The following ARHGAP42 variants were observed in gnomAD, a reference collection of about 807,000 sequenced individuals.
The protein encoded by ARHGAP42 is rho GTPase-activating protein 42.
Under a neutral mutation model 125.0 loss-of-function variants are expected in ARHGAP42, and 63 were observed. The ratio of observed to expected loss-of-function variants is 0.50; its 90% CI spans 0.41 to 0.62. ARHGAP42 has a LOEUF of 0.62. ARHGAP42 is among the 20% of genes least tolerant of loss of function. The pLI, the probability that ARHGAP42 is intolerant of heterozygous loss-of-function variation, is 0.00. For missense variants in ARHGAP42, 766 were observed against 1,024.2 expected (o/e 0.75, Z 3.44); for synonymous variants, 339 against 351.0 (o/e 0.97, Z 0.38).
chr11:100,960,008 T>G, intron 13 of ARHGAP42, 63 bp downstream of exon 13: 2 of 1,371,514 alleles, frequency 1.5e-6, no homozygotes, highest in Non-Finnish European at 2.0e-6. Flanking sequence ...TGGAAAACTC[T>G]CAGAGTAGAT....
chr11:100,731,277 GC>G (rs1861952390), intron 1 of ARHGAP42, among the ~76,000 whole-genome samples: 1 of 151,984 alleles, frequency 6.6e-6, no homozygotes, highest in African/African-American at 2.4e-5. Context: ...TCCTGCCTCA[GC>G]CTCCCGAGTA....
chr11:100,835,765 T>C (rs1172440089), intron 3 of ARHGAP42, among the ~76,000 whole-genome samples: 1 of 147,754 alleles, frequency 6.8e-6, no homozygotes, highest in Non-Finnish European at 1.5e-5. Flanking sequence ...TATATATGTA[T>C]ATATATATTC....
intron 18 of ARHGAP42, among the ~76,000 whole-genome samples, chr11:100,973,558 A>G (rs1013758765): frequency 6.6e-6 from 1 of 152,156 alleles, no homozygotes; most frequent in Non-Finnish European, 1.5e-5. Flanking sequence ...TTTACATTGT[A>G]TGGTAAGTTT....
intron 4 of ARHGAP42, among the ~76,000 whole-genome samples, chr11:100,907,364 G>A (rs623072): frequency 0.74 from 113,129 of 152,188 alleles, 42,477 homozygotes; most frequent in African/African-American, 0.84. Flanking sequence ...TTGTAAATGC[G>A]AATGTGAATC....
intron 3 of ARHGAP42, among the ~76,000 whole-genome samples, chr11:100,851,034 A>G (rs184871730): frequency 3.4e-4 from 52 of 151,986 alleles, no homozygotes; most frequent in African/African-American, 1.2e-3. Context: ...GACGTGTGCC[A>G]CCATGCCTGG....
chr11:100,743,233 T>C (rs1862225727), intron 1 of ARHGAP42, among the ~76,000 whole-genome samples: 1 of 152,194 alleles, frequency 6.6e-6, no homozygotes, highest in Non-Finnish European at 1.5e-5. Context: ...TTAGAACTCC[T>C]TTTAGCATTT....
chr11:100,869,859 C>T (rs1865659380), intron 4 of ARHGAP42, among the ~76,000 whole-genome samples: 1 of 152,102 alleles, frequency 6.6e-6, no homozygotes, highest in Non-Finnish European at 1.5e-5. Flanking sequence ...CCTAATGATT[C>T]CTTATTTTGA....
intron 6 of ARHGAP42, among the ~76,000 whole-genome samples, chr11:100,924,533 GGT>G (rs1867367022): frequency 6.6e-6 from 1 of 151,878 alleles, no homozygotes; most frequent in Admixed American, 6.6e-5. Flanking sequence ...TGGGCATGGG[GGT>G]GTGTGCCTGT....
intron 9 of ARHGAP42, among the ~76,000 whole-genome samples, chr11:100,943,051 G>C (rs781510754): frequency 6.6e-6 from 1 of 152,090 alleles, no homozygotes; most frequent in Non-Finnish European, 1.5e-5. Context: ...GAATTCCTAT[G>C]AATGTGGCCT....
At chr11:100,858,084 G>GGGGT (rs1555012569) in intron 3 of ARHGAP42, among the ~76,000 whole-genome samples, 1 of 63,908 alleles carries the variant, frequency 1.6e-5, no homozygotes, top group Non-Finnish European at 3.3e-5. Context: ...AATCTGGATA[G>GGGGT]GGGTGTGTGT....
intron 4 of ARHGAP42, among the ~76,000 whole-genome samples, chr11:100,874,321 C>G (rs1865762078): frequency 6.6e-6 from 1 of 152,180 alleles, no homozygotes; most frequent in Admixed American, 6.5e-5. Flanking sequence ...CCACTAGGCC[C>G]TGATTCCCAG....
chr11:100,961,727 G>A lies in ARHGAP42; in HGVS notation c.1344G>A (p.Trp448Ter). ...ATATTGATATTGATATTGAACTGTG[G>A]GACAATAAGACGATAACAAGTGGGC... ...PPDIDIDIEL[W>*]DNKTITSGLK... Residue 448 changes from tryptophan (W) to a stop codon, truncating the protein, a stop_gained, in exon 15 of 24, where the codon TGG becomes TGA. Transcript: ENST00000298815. LOFTEE classifies it high-confidence loss of function. 1 of 1,551,518 alleles carries A rather than the reference G, an allele frequency of 6.4e-7. No individual in the cohort carries two copies. Among genetic ancestry groups the A allele is most frequent in the Non-Finnish European group, 8.7e-7 (1 of 1,146,770 alleles).
intron 16 of ARHGAP42, among the ~76,000 whole-genome samples, chr11:100,965,202 C>T (rs1359940820): frequency 6.6e-6 from 1 of 152,112 alleles, no homozygotes; most frequent in Non-Finnish European, 1.5e-5. Context: ...GTCCCTCCCA[C>T]AACACTTGGG....
intron 3 of ARHGAP42, among the ~76,000 whole-genome samples, chr11:100,853,433 A>T (rs1444870551): frequency 6.6e-6 from 1 of 152,184 alleles, no homozygotes; most frequent in Non-Finnish European, 1.5e-5. Context: ...TCTTACTTTA[A>T]TCCCCCATTA....
intron 3 of ARHGAP42, among the ~76,000 whole-genome samples, chr11:100,812,860 T>A (rs530064472): frequency 6.6e-6 from 1 of 152,302 alleles, no homozygotes; most frequent in African/African-American, 2.4e-5. Context: ...GGAATTAGAC[T>A]TTTGCTCTGT....
chr11:100,687,605 C>T lies in ARHGAP42; in HGVS notation c.-74C>T. 2 of 1,163,760 alleles carry T rather than the reference C, an allele frequency of 1.7e-6. No homozygotes were observed. The highest frequency in any genetic ancestry group is 2.1e-6 in the Non-Finnish European group (2 of 936,192). The allele number at this position is 1,163,760 out of a possible 1,614,324, so 72.1% of individuals were successfully genotyped here. On this transcript the variant is annotated 5_prime_UTR_variant, in exon 1 of 24. Coordinates refer to ENST00000298815, the MANE Select transcript of ARHGAP42 (RefSeq NM_152432.4). The stretch of plus-strand genomic sequence containing the variant: ...GCGATCGCGCGACCCCAGCGCCCGC[C>T]GCGGCCGCCGGCTGCCCCCGCCCTG...
chr11:100,688,621 A>G (rs1167198011), intron 1 of ARHGAP42, among the ~76,000 whole-genome samples: 1 of 152,190 alleles, frequency 6.6e-6, no homozygotes, highest in African/African-American at 2.4e-5. Context: ...CTAAGACCTA[A>G]GAGTATCTGA....
chr11:100,800,842 C>T (rs995348027), intron 3 of ARHGAP42, among the ~76,000 whole-genome samples: 1 of 152,142 alleles, frequency 6.6e-6, no homozygotes, highest in African/African-American at 2.4e-5. Context: ...AAAATAAGCG[C>T]TGATCACACA....
At position 100,848,348 on chromosome 11, in the gene ARHGAP42, C is replaced by T. The variant is rs142175804; in HGVS notation, c.313-11206C>T. Among the ~76,000 whole-genome samples, 950 of 152,210 alleles carry T rather than the reference C, an allele frequency of 6.2e-3. 10 individuals are homozygous for T. The highest frequency in any genetic ancestry group is 0.022 in the African/African-American group (907 of 41,528). On this transcript the variant is annotated intron_variant, in intron 3 of 23. Coordinates refer to ENST00000298815, the MANE Select transcript of ARHGAP42 (RefSeq NM_152432.4). ...GGACACTACTGAAAGCAGAAAGTTA[C>T]AAACCGGATGTGATTATCGACATTA...
Sources: gnomAD v4.1 joint callset for allele counts (sites outside exome capture counted in the v4.1 genomes callset) on GRCh38, gnomAD v4.1.1 for gene constraint, MANE v1.5 for transcripts, NCBI Gene and HGNC (gene_info 2026-07-23, HGNC 2026-07-21) for gene names.